The following ROBO2 variants were observed in gnomAD, a reference collection of about 807,000 sequenced individuals.
The protein encoded by ROBO2 is roundabout guidance receptor 2.
ROBO2 carries 53 observed loss-of-function variants against 160.8 expected under a neutral mutation model. The ratio of observed to expected loss-of-function variants is 0.33; its 90% confidence interval spans 0.26 to 0.41. The LOEUF (loss-of-function observed/expected upper bound fraction) is 0.41. Among genes scored for constraint, ROBO2 ranks in the 10% least tolerant of loss-of-function variants. The pLI, the probability that ROBO2 is intolerant of heterozygous loss-of-function variation, is 1.00. For missense variants in ROBO2, 1,577 were observed against 1,722.4 expected, an observed-to-expected ratio of 0.92 and a Z score of 1.49; for synonymous variants, 664 against 611.7, an observed-to-expected ratio of 1.09 and a Z score of -1.26.
intron 2 of ROBO2, among the ~76,000 whole-genome samples, chr3:76,317,418 T>C (rs946048054): frequency 1.3e-5 from 2 of 152,148 alleles, no homozygotes; most frequent in African/African-American, 4.8e-5. Flanking sequence ...TCAAGAAATT[T>C]GGAAAACTCT....
At chr3:76,576,818 G>C (rs893213809) in intron 2 of ROBO2, among the ~76,000 whole-genome samples, 2 of 145,438 alleles carry the variant, frequency 1.4e-5, no homozygotes, top group Admixed American at 7.1e-5. Context: ...GAAAATGAGA[G>C]TATTATTTTT....
chr3:77,055,787 C>T (rs570038417), intron 1 of ROBO2, among the ~76,000 whole-genome samples: 2 of 152,122 alleles, frequency 1.3e-5, no homozygotes, highest in East Asian at 1.9e-4. Context: ...TATATAACTA[C>T]GAGATGATTT....
intron 2 of ROBO2, among the ~76,000 whole-genome samples, chr3:76,736,360 T>G (rs1354939991): frequency 6.7e-6 from 1 of 149,064 alleles, no homozygotes; most frequent in Non-Finnish European, 1.5e-5. Flanking sequence ...GAATATTAAG[T>G]GGATACAATT....
intron 2 of ROBO2, among the ~76,000 whole-genome samples, chr3:76,611,571 T>A (rs371042137): frequency 5.3e-5 from 8 of 152,300 alleles, no homozygotes; most frequent in African/African-American, 1.9e-4. Context: ...CTGCTCATAG[T>A]AGCCTCTAAG....
At position 76,578,894 on chromosome 3, in the gene ROBO2, G is replaced by A. The variant is rs1431671723; in HGVS notation, c.110-519120G>A. On this transcript the variant is annotated intron_variant, in intron 2 of 26. Coordinates refer to the ROBO2 transcript ENST00000487694. ...ACCTACAATCTCTCCAGCCTTCTTCGTTTTACTAAATGGCCACTTCATACA... is the reference window on the plus strand; with the variant it reads ...ACCTACAATCTCTCCAGCCTTCTTCATTTTACTAAATGGCCACTTCATACA... 2.6e-5 allele frequency among the ~76,000 whole-genome samples: 4 copies of A among 152,060 alleles called. No homozygotes were observed. The East Asian group carries it at 5.8e-4, about 22-fold the overall frequency.
chr3:76,660,286 T>A (rs2091761457), intron 2 of ROBO2, among the ~76,000 whole-genome samples: 1 of 152,208 alleles, frequency 6.6e-6, no homozygotes, highest in Non-Finnish European at 1.5e-5. Context: ...AAATGTGAAA[T>A]TAACTGGACT....
At position 76,195,928 on chromosome 3, in the gene ROBO2, A is replaced by G. The variant is rs563116725; in HGVS notation, c.109+258326A>G. ...ATCCTTAGTTTTATAAGGTAGGGTC[A>G]GAGACTCTGGACTTCATGATGGGGA... On this transcript the variant is annotated intron_variant, in intron 2 of 26. Transcript: ENST00000487694. Among the ~76,000 whole-genome samples, 4 of 152,260 alleles carry G rather than the reference A, an allele frequency of 2.6e-5. No individual in the cohort carries two copies. In the South Asian group the frequency reaches 6.2e-4, roughly 24 times the overall value.
chr3:77,481,048 A>G (rs377490138), intron 3 of ROBO2, 51 bp from the exon 4 acceptor site: 87 of 1,460,646 alleles, frequency 6.0e-5, no homozygotes, highest in Non-Finnish European at 7.6e-5. Context: ...TTTATTTTCT[A>G]TTCTGTTCCT....
chr3:76,589,321 A>G (rs2086260287), intron 2 of ROBO2, among the ~76,000 whole-genome samples: 1 of 152,124 alleles, frequency 6.6e-6, no homozygotes, highest in South Asian at 2.1e-4. Flanking sequence ...TGTTTTTGAG[A>G]CGGCGTCTGG....
intron 6 of ROBO2, among the ~76,000 whole-genome samples, chr3:77,530,579 A>G (rs1486024574): frequency 1.3e-5 from 2 of 152,020 alleles, no homozygotes; most frequent in African/African-American, 4.8e-5. Context: ...ACGTTCATAT[A>G]CTTGCCAACA....
chr3:76,625,016 T>C (rs2089525643), intron 2 of ROBO2, among the ~76,000 whole-genome samples: 1 of 152,080 alleles, frequency 6.6e-6, no homozygotes, highest in South Asian at 2.1e-4. Flanking sequence ...AGTTTGCATT[T>C]ATCTTTTCCC....
intron 2 of ROBO2, among the ~76,000 whole-genome samples, chr3:77,368,369 T>C (rs2071242612): frequency 6.6e-6 from 1 of 152,178 alleles, no homozygotes; most frequent in African/African-American, 2.4e-5. Context: ...ATAGACTTAA[T>C]ACGTGCTTGT....
chr3:77,132,765 C>A (rs539229106), intron 2 of ROBO2, among the ~76,000 whole-genome samples: 6 of 151,672 alleles, frequency 4.0e-5, no homozygotes, highest in Non-Finnish European at 8.8e-5. Flanking sequence ...TACTGTGAGG[C>A]ACTGGAAAAA....
chr3:76,654,911 G>GTGTGTA (rs1553854249), intron 2 of ROBO2, among the ~76,000 whole-genome samples: 6 of 104,272 alleles, frequency 5.8e-5, no homozygotes, highest in African/African-American at 2.1e-4. Flanking sequence ...ACATATGTGT[G>GTGTGTA]TGTATATATA....
At chr3:75,946,428 G>A (rs1303410398) in intron 2 of ROBO2, among the ~76,000 whole-genome samples, 1 of 152,096 alleles carries the variant, frequency 6.6e-6, no homozygotes, top group Non-Finnish European at 1.5e-5. Flanking sequence ...CTGTAGTGAG[G>A]AGGGAAAGAG....
chr3:77,453,954 C>A (rs973816703), intron 2 of ROBO2, among the ~76,000 whole-genome samples: 2 of 152,078 alleles, frequency 1.3e-5, no homozygotes, highest in Non-Finnish European at 2.9e-5. Context: ...AAGTGTCTTG[C>A]AAATACATGT....
intron 2 of ROBO2, among the ~76,000 whole-genome samples, chr3:77,324,310 G>T (rs917519797): frequency 7.2e-5 from 11 of 152,144 alleles, no homozygotes; most frequent in African/African-American, 2.7e-4. Context: ...GCCCTTAAGT[G>T]CTACTAAAAG....
At chr3:76,218,544 G>T (rs944473804) in intron 2 of ROBO2, among the ~76,000 whole-genome samples, 2 of 152,154 alleles carry the variant, frequency 1.3e-5, no homozygotes, top group African/African-American at 4.8e-5. Flanking sequence ...GCCAAATCCT[G>T]AGTGAATTCC....
rs1220438118 is a variant in ROBO2, at chr3:76,272,978, TA to T, written c.109+335377del. ...AATATATATTTATATATAAAATATA[TA>T]TAATATATAATATATAATTTATATA... is the stretch of plus-strand genomic sequence containing the variant. On this transcript the variant is annotated intron_variant, in intron 2 of 26. Transcript: ENST00000487694. 1.4e-4 allele frequency among the ~76,000 whole-genome samples: 12 copies of T among 87,054 alleles called. No homozygotes were observed. In the East Asian group the frequency reaches 3.5e-3, roughly 26 times the overall value. The allele number at this position is 87,054 out of a possible 152,430, so 57.1% of individuals were successfully genotyped here. A position where few individuals can be genotyped will look rare whatever the true frequency, so the allele number is the denominator to read the frequency against.
Sources: allele counts gnomAD v4.1 joint callset (sites outside exome capture counted in the v4.1 genomes callset), GRCh38; gene constraint gnomAD v4.1.1; transcripts MANE v1.5; gene names NCBI Gene and HGNC (gene_info 2026-07-23, HGNC 2026-07-21).